NEO1: variants seen among roughly 807,000 people sequenced by gnomAD.
NEO1 encodes neogenin 1, also known as neogenin.
Under a neutral mutation model 159.7 loss-of-function variants are expected in NEO1, and 63 were observed. The observed-to-expected ratio is 0.39, with a 90% CI of 0.32 to 0.49. NEO1 has a LOEUF of 0.49. Among genes scored for constraint, NEO1 ranks in the 20% least tolerant of loss-of-function variants. The pLI is 0.85. For missense variants in NEO1, 1,615 were observed against 1,831.0 expected (o/e 0.88, Z 2.15); for synonymous variants, 633 against 662.0 (o/e 0.96, Z 0.67).
rs140870944 is a variant in NEO1, at chr15:73,085,783, C to G, written c.131-30757C>G. 7.7e-4 allele frequency among the ~76,000 whole-genome samples: 117 copies of G among 152,230 alleles called. 1 individual carries two copies. Among genetic ancestry groups the G allele is most frequent in the African/African-American group, 2.7e-3 (113 of 41,538 alleles). ...TTTTTGGTGAAGTGTGTATGCAAATCTTTTGCCCATTAAGAAAATTGGGGT... is the reference window on the plus strand; with the variant it reads ...TTTTTGGTGAAGTGTGTATGCAAATGTTTTGCCCATTAAGAAAATTGGGGT... On this transcript the variant is annotated intron_variant, in intron 1 of 28. Transcript: ENST00000261908.
intron 5 of NEO1, among the ~76,000 whole-genome samples, chr15:73,140,282 G>T (rs193145809): frequency 1.3e-5 from 2 of 152,126 alleles, no homozygotes; most frequent in Non-Finnish European, 2.9e-5. Flanking sequence ...CTGGCTAGGC[G>T]CAGTGACTCA....
At position 73,176,427 on chromosome 15, in the gene NEO1, C is replaced by A; in HGVS notation, c.1040C>A (p.Pro347His). Residue 347 changes from proline (P) to histidine (H), a missense_variant, in exon 6 of 29, where the codon CCT (proline) becomes CAT (histidine). Transcript: ENST00000261908. ...GCTCAACCTGAATTCCTGAAGCAGC[C>A]TACTAATATATATGCTCACGAATCT... ...VQAQPEFLKQ[P>H]TNIYAHESMD... The A allele has an allele frequency of 6.3e-7, 1 of 1,577,156 alleles. No homozygotes were observed. Among genetic ancestry groups the A allele is most frequent in the Admixed American group, 1.8e-5 (1 of 56,010 alleles).
chr15:73,230,319 G>C (rs1343709094), intron 7 of NEO1, among the ~76,000 whole-genome samples: 1 of 151,994 alleles, frequency 6.6e-6, no homozygotes, highest in Non-Finnish European at 1.5e-5. Flanking sequence ...ATGTCTGATT[G>C]GTTGGCAATT....
At chr15:73,124,661 G>A (rs937127201) in intron 3 of NEO1, among the ~76,000 whole-genome samples, 11 of 152,148 alleles carry the variant, frequency 7.2e-5, no homozygotes, top group African/African-American at 2.7e-4. Context: ...CGCTTTATCA[G>A]TGAAGCCTTC....
At chr15:73,235,177 A>G (rs983419162) in intron 7 of NEO1, among the ~76,000 whole-genome samples, 1 of 152,174 alleles carries the variant, frequency 6.6e-6, no homozygotes, top group Non-Finnish European at 1.5e-5. Context: ...CTCGCAGTTC[A>G]CAGACATTTC....
intron 1 of NEO1, among the ~76,000 whole-genome samples, chr15:73,109,734 A>T (rs1044055018): frequency 2.0e-5 from 3 of 152,144 alleles, no homozygotes; most frequent in African/African-American, 7.2e-5. Context: ...ATTGACATCC[A>T]GTGTTTTTAT....
intron 5 of NEO1, among the ~76,000 whole-genome samples, chr15:73,168,385 G>T (rs957862133): frequency 6.3e-5 from 6 of 94,994 alleles, no homozygotes; most frequent in Middle Eastern, 6.0e-3. Context: ...GGGGTGGGGG[G>T]GGGGGGTCTC....
intron 7 of NEO1, among the ~76,000 whole-genome samples, chr15:73,220,779 G>T (rs1379966852): frequency 6.6e-6 from 1 of 152,120 alleles, no homozygotes; most frequent in Non-Finnish European, 1.5e-5. Context: ...AGCTCCATCA[G>T]CTCCTTTAAG....
At chr15:73,076,227 A>G (rs2068760296) in intron 1 of NEO1, among the ~76,000 whole-genome samples, 1 of 152,164 alleles carries the variant, frequency 6.6e-6, no homozygotes, top group Admixed American at 6.5e-5. Flanking sequence ...TTTCATTTTT[A>G]TTAATAGCAA....
intron 1 of NEO1, among the ~76,000 whole-genome samples, chr15:73,082,181 T>G (rs1255262075): frequency 6.6e-6 from 1 of 152,188 alleles, no homozygotes; most frequent in Admixed American, 6.5e-5. Flanking sequence ...GCCTAAATAC[T>G]TGATAAGAAT....
chr15:73,278,439 C>T (rs2041519371), intron 22 of NEO1, among the ~76,000 whole-genome samples: 1 of 152,194 alleles, frequency 6.6e-6, no homozygotes, highest in African/African-American at 2.4e-5. Flanking sequence ...TTTGTTCATC[C>T]TGTTGCCTAC....
At chr15:73,268,813 A>T (rs2041033908) in intron 16 of NEO1, among the ~76,000 whole-genome samples, 2 of 152,178 alleles carry the variant, frequency 1.3e-5, no homozygotes, top group Non-Finnish European at 2.9e-5. Flanking sequence ...GCCTCAGAGA[A>T]GGTGTCTGTT....
At chr15:73,102,859 T>TA (rs1022680587) in intron 1 of NEO1, among the ~76,000 whole-genome samples, 11 of 152,210 alleles carry the variant, frequency 7.2e-5, no homozygotes, top group African/African-American at 2.4e-4. Context: ...GTCCTCCACA[T>TA]AAGCACCTTA....
chr15:73,221,456 A>G (rs2038257786), intron 7 of NEO1, among the ~76,000 whole-genome samples: 1 of 152,190 alleles, frequency 6.6e-6, no homozygotes, highest in African/African-American at 2.4e-5. Flanking sequence ...GCTCTCTGCA[A>G]AGCTGTCAGA....
chr15:73,165,791 G>T (rs1281645730), intron 5 of NEO1, among the ~76,000 whole-genome samples: 2 of 152,224 alleles, frequency 1.3e-5, no homozygotes, highest in South Asian at 2.1e-4. Context: ...CTTTTTAAAA[G>T]AAACCAGTGA....
intron 5 of NEO1, among the ~76,000 whole-genome samples, chr15:73,172,624 C>T (rs2035041402): frequency 6.6e-6 from 1 of 152,190 alleles, no homozygotes; most frequent in Non-Finnish European, 1.5e-5. Context: ...CACAGTAAAT[C>T]ACTTCAAAGA....
At chr15:73,148,143 T>C (rs974382581) in intron 5 of NEO1, among the ~76,000 whole-genome samples, 2 of 152,186 alleles carry the variant, frequency 1.3e-5, no homozygotes, top group African/African-American at 4.8e-5. Context: ...ATTTACTACC[T>C]TATTTTTATT....
rs1426085798 is a variant in NEO1, at chr15:73,304,685, A to G, written c.*1989A>G. ...GCACTCTGGCCACCAGGAGGGCCAGATTCCCCAGAAACTACCTTTTGCCCA... is the reference window on the plus strand; with the variant it reads ...GCACTCTGGCCACCAGGAGGGCCAGGTTCCCCAGAAACTACCTTTTGCCCA... On this transcript the variant is annotated 3_prime_UTR_variant, in exon 29 of 29. Coordinates refer to ENST00000261908, the MANE Select transcript of NEO1 (RefSeq NM_002499.4). The G allele has an allele frequency of 1.3e-5, 2 of 152,058 alleles. No individual in the cohort carries two copies. Among genetic ancestry groups the G allele is most frequent in the Non-Finnish European group, 2.9e-5 (2 of 68,038 alleles). 9.4% of individuals were successfully genotyped at this position (152,058 alleles called of 1,614,324 possible).
intron 7 of NEO1, chr15:73,221,769 T>A (rs536036228): frequency 1.3e-5 from 2 of 155,888 alleles, no homozygotes; most frequent in East Asian, 3.8e-4. Flanking sequence ...CGCCGTTTTT[T>A]AAGCCCGTCA....
Sources: gnomAD v4.1 joint callset for allele counts (sites outside exome capture counted in the v4.1 genomes callset) on GRCh38, gnomAD v4.1.1 for gene constraint, MANE v1.5 for transcripts, NCBI Gene and HGNC (gene_info 2026-07-23, HGNC 2026-07-21) for gene names.